The following MTHFSD variants were observed in gnomAD, a reference collection of about 807,000 sequenced individuals.
The protein encoded by MTHFSD is methenyltetrahydrofolate synthetase domain containing.
Under a neutral mutation model 31.1 loss-of-function variants are expected in MTHFSD, and 37 were observed. That is an observed-to-expected ratio of 1.19 (90% CI 0.91 to 1.56). MTHFSD has a LOEUF of 1.56. MTHFSD is among the 40% of genes most tolerant of loss of function. The pLI is 0.00. For missense variants in MTHFSD, 664 were observed against 510.1 expected, an observed-to-expected ratio of 1.30 and a Z score of -2.91; for synonymous variants, 221 against 206.9, an observed-to-expected ratio of 1.07 and a Z score of -0.59.
intron 7 of MTHFSD, among the ~76,000 whole-genome samples, chr16:86,536,929 T>C (rs922670248): frequency 1.3e-5 from 2 of 152,210 alleles, no homozygotes; most frequent in Admixed American, 1.3e-4. Flanking sequence ...GTGTTGGCTG[T>C]TCCGGTGTCA....
intron 4 of MTHFSD, chr16:86,547,424 C>T: frequency 9.1e-6 from 9 of 985,770 alleles, no homozygotes; most frequent in Non-Finnish European, 1.1e-5. Context: ...AGTGCTATGA[C>T]AAGTTCCGTA....
rs766968051 is a variant in MTHFSD, at chr16:86,542,132, G to A, written c.524C>T (p.Thr175Met). Residue 175 changes from threonine to methionine, a missense_variant, in exon 6 of 8, where the codon ACG (threonine) becomes ATG (methionine). Physicochemically the swap from Thr to Met is moderately conservative, Grantham distance 81. Coordinates refer to ENST00000360900, the MANE Select transcript of MTHFSD (RefSeq NM_001159377.2). This position sits in a 1 kb window ranked among gnomAD's most constrained non-coding sequence, Gnocchi z 4.6. ...MVSMGAVSKE[T>M]PVVTIVHDCQ... The stretch of plus-strand genomic sequence containing the variant: ...GTCGTGGACGATGGTGACCACCGGC[G>A]TCTCCTTGCTGACGGCGCCCATGGA... 1.1e-5 allele frequency: 18 copies of A among 1,613,580 alleles called. No homozygotes were observed. Among genetic ancestry groups the A allele is most frequent in the South Asian group, 3.3e-5 (3 of 91,080 alleles).
chr16:86,550,552 A>G (rs1187452745), intron 3 of MTHFSD, among the ~76,000 whole-genome samples: 1 of 152,182 alleles, frequency 6.6e-6, no homozygotes, highest in Non-Finnish European at 1.5e-5. Context: ...ATGTGCGGTA[A>G]CCTGAGGTGG....
At chr16:86,555,105 C>T in intron 1 of MTHFSD, 64 bp downstream of exon 1, 1 of 1,525,334 alleles carries the variant, frequency 6.6e-7, no homozygotes. Context: ...CCGCCTCGAC[C>T]CTCACCGGTC....
chr16:86,546,052 C>T (rs1393651910), intron 5 of MTHFSD, among the ~76,000 whole-genome samples: 4 of 152,166 alleles, frequency 2.6e-5, no homozygotes, highest in South Asian at 4.1e-4. Flanking sequence ...TCACATGCAG[C>T]GTGGCAAAGC....
At chr16:86,538,353 C>G (rs1197984566) in intron 7 of MTHFSD, among the ~76,000 whole-genome samples, 1 of 152,186 alleles carries the variant, frequency 6.6e-6, no homozygotes, top group Non-Finnish European at 1.5e-5. Context: ...CCGGGTCTCC[C>G]CACAGAGGCT....
Position 86,542,681 on chromosome 16 carries a change from G to A in MTHFSD, c.443-468C>T, listed in dbSNP as rs1971692451. On this transcript the variant is annotated intron_variant, in intron 5 of 7. Transcript: ENST00000360900. The surrounding 1 kb of genome is among the most constrained non-coding windows in gnomAD (Gnocchi z 4.6). Reference sequence around the variant, plus strand: ...ATGGCCTTGTTTCTTCAAAAGCACTGAATACTCACCACTAGATACCAGGTC... The same window carrying A: ...ATGGCCTTGTTTCTTCAAAAGCACTAAATACTCACCACTAGATACCAGGTC... The A allele has an allele frequency of 6.3e-6, 1 of 159,130 alleles. No homozygotes were observed. The highest frequency in any genetic ancestry group is 1.8e-4 in the South Asian group (1 of 5,478). The allele number at this position is 159,130 out of a possible 1,614,324, so 9.9% of individuals were successfully genotyped here.
At chr16:86,550,929 T>C (rs1427107992) in intron 3 of MTHFSD, among the ~76,000 whole-genome samples, 1 of 151,948 alleles carries the variant, frequency 6.6e-6, no homozygotes, top group Non-Finnish European at 1.5e-5. Flanking sequence ...TTCTCAGGAG[T>C]CTGACTTGGC....
rs1377803976 is a variant in MTHFSD, at chr16:86,541,797, A to G, written c.581T>C (p.Val194Ala). ...CQVVDIPEEL[V>A]EEHDITVDYI... ...GTCCACAGTGATGTCGTGCTCCTCA[A>G]CAAGCTCTTCAGGGATGTCCACGAC... The change falls in exon 7 of 8, where the codon GTT (valine) becomes GCT (alanine). Residue 194 changes from valine (V) to alanine (A), a missense_variant. Coordinates refer to ENST00000360900, the MANE Select transcript of MTHFSD (RefSeq NM_001159377.2). 6.2e-7 allele frequency: 1 copy of G among 1,614,202 alleles called. No individual in the cohort carries two copies. The highest frequency in any genetic ancestry group is 1.3e-5 in the African/African-American group (1 of 75,064).
chr16:86,537,405 A>T (rs1043968927), intron 7 of MTHFSD, among the ~76,000 whole-genome samples: 2 of 151,230 alleles, frequency 1.3e-5, no homozygotes, highest in African/African-American at 4.9e-5. Context: ...ACTTAAATGG[A>T]CTCCCCCCAC....
In MTHFSD at chr16:86,547,913, C is replaced by A. The variant is rs150312705; in HGVS notation, c.351+551G>T. 152 of 585,248 alleles carry A rather than the reference C, an allele frequency of 2.6e-4. No homozygotes were observed. In the African/African-American group the frequency reaches 2.9e-3, roughly 11 times the overall value. 36.3% of individuals were successfully genotyped at this position (585,248 alleles called of 1,614,324 possible). A position where few individuals can be genotyped will look rare whatever the true frequency, so the allele number is the denominator to read the frequency against. ...AAAAAAGTCACCAAATTCGACTTAA[C>A]TGTAAAATACATGACCAATTTTATT... On this transcript the variant is annotated intron_variant, in intron 4 of 7. Coordinates refer to ENST00000360900, the MANE Select transcript of MTHFSD (RefSeq NM_001159377.2).
At chr16:86,533,550 C>G (rs1337015047) in intron 7 of MTHFSD, 1 of 152,230 alleles carries the variant, frequency 6.6e-6, no homozygotes, top group Non-Finnish European at 1.5e-5. Flanking sequence ...AGCTAGACAA[C>G]TGTAAATTGT....
At position 86,541,882 on chromosome 16, in the gene MTHFSD, T is replaced by C. The variant is rs1320288750; in HGVS notation, c.556-60A>G. 3.8e-6 allele frequency: 6 copies of C among 1,598,496 alleles called. No homozygotes were observed. The East Asian group carries it at 1.3e-4, about 36-fold the overall frequency. ...GGAATGCCACTGCAGTCGTGCACAC[T>C]GCCCCGCTCGGTGGGAACGTGAGGC... On this transcript the variant is annotated intron_variant, in intron 6 of 7. Transcript: ENST00000360900.
intron 7 of MTHFSD, among the ~76,000 whole-genome samples, chr16:86,534,175 G>A (rs919635637): frequency 6.6e-6 from 1 of 152,206 alleles, no homozygotes; most frequent in African/African-American, 2.4e-5. Context: ...ACATATCCAC[G>A]ATGCGCTCTT....
chr16:86,541,068 C>T, intron 7 of MTHFSD: 1 of 1,240,018 alleles, frequency 8.1e-7, no homozygotes, highest in Non-Finnish European at 1.0e-6. Flanking sequence ...TAGTTTTGTC[C>T]ACACGAAGCA....
rs771793629 is a variant in MTHFSD, at chr16:86,532,236, G to A, written c.927C>T (p.Tyr309=). ...GEGAPLAADV[Y]VGNLPGDARV... is the part of the protein sequence containing the mutation. ...GGGCGTCCCCGGGGAGGTTCCCAAC[G>A]TAAACATCGGCTGCAAGCGGGGCAC... The change falls in exon 8 of 8, where the codon TAC becomes TAT. Residue 309 remains tyrosine (Y), a synonymous_variant. Transcript: ENST00000360900. The A allele has an allele frequency of 2.9e-5, 46 of 1,570,254 alleles. No individual in the cohort carries two copies. The highest frequency in any genetic ancestry group is 5.4e-5 in the African/African-American group (4 of 73,432).
At chr16:86,540,503 C>A (rs1567537178) in intron 7 of MTHFSD, among the ~76,000 whole-genome samples, 1 of 152,214 alleles carries the variant, frequency 6.6e-6, no homozygotes, top group African/African-American at 2.4e-5. Context: ...CAGGCTCCCC[C>A]TAATACGGCT....
At chr16:86,541,656 C>T (rs1280061637) in intron 7 of MTHFSD, 41 bp downstream of exon 7, 8 of 1,595,340 alleles carry the variant, frequency 5.0e-6, no homozygotes, top group South Asian at 3.4e-5. Context: ...GAGGAGGAGC[C>T]GCTAAGCTAC....
At chr16:86,544,076 T>C (rs1971919067) in intron 5 of MTHFSD, among the ~76,000 whole-genome samples, 1 of 152,230 alleles carries the variant, frequency 6.6e-6, no homozygotes, top group African/African-American at 2.4e-5. Flanking sequence ...TATTATGAGT[T>C]GTATAATTAC....
Sources: gnomAD v4.1 joint callset for allele counts (sites outside exome capture counted in the v4.1 genomes callset) on GRCh38, gnomAD v4.1.1 for gene constraint, Gnocchi (gnomAD v3.1) non-coding constraint, MANE v1.5 for transcripts, NCBI Gene and HGNC (gene_info 2026-07-23, HGNC 2026-07-21) for gene names.